EFHD1: variants seen among roughly 807,000 people sequenced by gnomAD.
EFHD1 encodes the protein EF-hand domain-containing protein D1.
EFHD1 carries 10 observed loss-of-function variants against 17.2 expected under a neutral mutation model. The ratio of observed to expected loss-of-function variants is 0.58; its 90% confidence interval spans 0.36 to 0.99. The LOEUF (loss-of-function observed/expected upper bound fraction) is 0.99, where lower values mean the gene tolerates loss of function less well. EFHD1 is among the 50% of genes least tolerant of loss of function. EFHD1 has a pLI of 0.01. For synonymous variants in EFHD1, 153 were observed against 142.0 expected (o/e 1.08, Z -0.55); for missense variants, 310 against 327.5 (o/e 0.95, Z 0.41).
In EFHD1 at chr2:232,628,242, G is replaced by A. The variant is rs1694143401; in HGVS notation, c.14+22069G>A. On this transcript the variant is annotated intron_variant, in intron 1 of 3. Transcript: ENST00000409613. The stretch of plus-strand genomic sequence containing the variant: ...AGGCCAGCTAATTTTTGTATGTTTA[G>A]TAGAGACGGGGTTTCACCGTGTTGG... Among the ~76,000 whole-genome samples, 4 of 152,010 alleles carry A rather than the reference G, an allele frequency of 2.6e-5. No homozygotes were observed. In the South Asian group the frequency reaches 8.3e-4, roughly 32 times the overall value.
At chr2:232,662,657 T>A (rs1694894736) in intron 1 of EFHD1, 145 bp from the exon 2 acceptor site, 1 of 1,044,482 alleles carries the variant, frequency 9.6e-7, no homozygotes, top group Non-Finnish European at 1.3e-6. Context: ...AGAGAGGGGT[T>A]CCTCTGGAGC....
At chr2:232,634,942 A>G (rs1694289995) in intron 1 of EFHD1, among the ~76,000 whole-genome samples, 1 of 152,200 alleles carries the variant, frequency 6.6e-6, no homozygotes, top group African/African-American at 2.4e-5. Context: ...TTAAAAGCGC[A>G]TGGAATGTGT....
At chr2:232,641,881 T>C (rs1247338964) in intron 1 of EFHD1, among the ~76,000 whole-genome samples, 1 of 152,166 alleles carries the variant, frequency 6.6e-6, no homozygotes, top group Non-Finnish European at 1.5e-5. Flanking sequence ...AGGCCTGAGT[T>C]CCAGGACCCC....
intron 1 of EFHD1, among the ~76,000 whole-genome samples, chr2:232,627,940 T>G (rs1301467396): frequency 1.3e-5 from 2 of 152,208 alleles, no homozygotes; most frequent in African/African-American, 4.8e-5. Context: ...TTTCCAGAGT[T>G]GTAAAACCAT....
intron 1 of EFHD1, among the ~76,000 whole-genome samples, chr2:232,609,054 C>CTTTTTT (rs1244427931): frequency 1.2e-5 from 1 of 82,258 alleles, no homozygotes; most frequent in Admixed American, 1.6e-4. Context: ...TGCATAAGTT[C>CTTTTTT]TTTTTTTTTT....
intron 1 of EFHD1, among the ~76,000 whole-genome samples, chr2:232,640,350 G>A (rs928177680): frequency 1.3e-5 from 2 of 152,124 alleles, no homozygotes; most frequent in African/African-American, 4.8e-5. Context: ...AAAGATGGGC[G>A]AATGACCTAA....
Position 232,637,343 on chromosome 2 carries a change from CT to C in EFHD1, c.302+3355del, listed in dbSNP as rs575182576. Among the ~76,000 whole-genome samples the C allele has an allele frequency of 1.6e-3, 204 of 127,666 alleles. 1 individual carries two copies. Among genetic ancestry groups the C allele is most frequent in the East Asian group, 0.011 (50 of 4,722 alleles). The allele number at this position is 127,666 out of a possible 152,430, so 83.8% of individuals were successfully genotyped here. A position where few individuals can be genotyped will look rare whatever the true frequency, so the allele number is the denominator to read the frequency against. On this transcript the variant is annotated intron_variant, in intron 1 of 3. Coordinates refer to ENST00000264059, the MANE Select transcript of EFHD1 (RefSeq NM_025202.4). ...GTTTCTGTGTCTTCACATGGCCTTC[CT>C]TTTTTTTTTTTTTTTTTGAGATGGA...
intron 1 of EFHD1, among the ~76,000 whole-genome samples, chr2:232,618,592 T>C (rs1693966059): frequency 6.6e-6 from 1 of 151,548 alleles, no homozygotes; most frequent in Non-Finnish European, 1.5e-5. Context: ...TGTGGTGGCA[T>C]GCATCTTGTA....
chr2:232,632,003 CAA>C (rs538543210), upstream of EFHD1, among the ~76,000 whole-genome samples: 3 of 136,774 alleles, frequency 2.2e-5, no homozygotes. Context: ...AACTCCATCT[CAA>C]AAAAAAAAAA....
At chr2:232,672,107 G>C (rs971331106) in intron 2 of EFHD1, among the ~76,000 whole-genome samples, 1 of 152,072 alleles carries the variant, frequency 6.6e-6, no homozygotes. Context: ...AAATATGAAG[G>C]TGCCCATTTC....
intron 1 of EFHD1, among the ~76,000 whole-genome samples, chr2:232,659,658 A>G (rs1455522433): frequency 6.6e-6 from 1 of 152,168 alleles, no homozygotes; most frequent in Non-Finnish European, 1.5e-5. Context: ...GGTTTTTGTT[A>G]CTGAGGCTGT....
At chr2:232,638,632 T>C (rs1402149473) in intron 1 of EFHD1, 1 of 326,764 alleles carries the variant, frequency 3.1e-6, no homozygotes, top group African/African-American at 2.2e-5. Flanking sequence ...TGAGCCCTCT[T>C]AGGGAGGCTT....
chr2:232,671,600 C>T (rs936057830), intron 2 of EFHD1, among the ~76,000 whole-genome samples: 1 of 151,678 alleles, frequency 6.6e-6, no homozygotes, highest in African/African-American at 2.4e-5. Flanking sequence ...GATGGTGCAT[C>T]CCTGTAATCC....
chr2:232,663,103 A>G (rs1222425577), intron 2 of EFHD1, among the ~76,000 whole-genome samples, 154 bp downstream of exon 2: 1 of 152,224 alleles, frequency 6.6e-6, no homozygotes, highest in Non-Finnish European at 1.5e-5. Flanking sequence ...CTTTTAGGTG[A>G]CAGCTAACCC....
chr2:232,622,192 G>A (rs908142664), intron 1 of EFHD1, among the ~76,000 whole-genome samples: 1 of 152,246 alleles, frequency 6.6e-6, no homozygotes, highest in Non-Finnish European at 1.5e-5. Flanking sequence ...CTGGGGCCGG[G>A]CATGGTGGCT....
chr2:232,655,955 T>C (rs1049926280), intron 1 of EFHD1, among the ~76,000 whole-genome samples: 1 of 152,064 alleles, frequency 6.6e-6, no homozygotes, highest in Admixed American at 6.6e-5. Flanking sequence ...TACAGGCGCC[T>C]GCCACCATGC....
intron 1 of EFHD1, chr2:232,650,238 A>G (rs976104919): frequency 6.6e-6 from 1 of 152,012 alleles, no homozygotes; most frequent in Non-Finnish European, 1.5e-5. Flanking sequence ...TAGGATGCAA[A>G]CAGGGGTGCA....
chr2:232,672,738 G>A (rs976038501), intron 3 of EFHD1, among the ~76,000 whole-genome samples: 4 of 152,194 alleles, frequency 2.6e-5, no homozygotes, highest in East Asian at 1.9e-4. Context: ...AAAGCATTTA[G>A]GAAGTGCCTG....
At chr2:232,675,188 A>G (rs1695147255) in intron 3 of EFHD1, among the ~76,000 whole-genome samples, 1 of 11,938 alleles carries the variant, frequency 8.4e-5, no homozygotes, top group Non-Finnish European at 1.5e-4. Context: ...AAGAAAAAAA[A>G]GAGAGAGAGA....
Sources: gnomAD v4.1 joint callset for allele counts (sites outside exome capture counted in the v4.1 genomes callset) on GRCh38, gnomAD v4.1.1 for gene constraint, MANE v1.5 for transcripts, NCBI Gene and HGNC (gene_info 2026-07-23, HGNC 2026-07-21) for gene names.